Variants in PTPRK observed in about 807,000 individuals in gnomAD.
PTPRK encodes the protein protein tyrosine phosphatase receptor type K, also known as receptor-type tyrosine-protein phosphatase kappa.
PTPRK carries 75 observed loss-of-function variants against 178.0 expected under a neutral mutation model. The ratio of observed to expected loss-of-function variants is 0.42; its 90% CI spans 0.35 to 0.51. The LOEUF (loss-of-function observed/expected upper bound fraction) is 0.51. Among genes scored for constraint, PTPRK ranks in the 20% least tolerant of loss-of-function variants. PTPRK has a pLI of 0.02. For missense variants in PTPRK, 1,441 were observed against 1,797.8 expected, an observed-to-expected ratio of 0.80 and a Z score of 3.59; for synonymous variants, 637 against 620.6, an observed-to-expected ratio of 1.03 and a Z score of -0.39.
intron 7 of PTPRK, among the ~76,000 whole-genome samples, chr6:128,147,191 A>G (rs138344011): frequency 6.6e-6 from 1 of 152,312 alleles, no homozygotes; most frequent in African/African-American, 2.4e-5. Context: ...CAGAGATTAT[A>G]TGAACAGATA....
At chr6:128,518,909 G>A (rs963509658) in intron 1 of PTPRK, 7 of 452,360 alleles carry the variant, frequency 1.5e-5, no homozygotes, top group Non-Finnish European at 2.7e-5. Flanking sequence ...AGCAATGGAA[G>A]GGAAATAAAC....
chr6:128,275,641 T>G (rs777730752), intron 3 of PTPRK, among the ~76,000 whole-genome samples: 1 of 152,060 alleles, frequency 6.6e-6, no homozygotes, highest in Non-Finnish European at 1.5e-5. Flanking sequence ...GGAATATACA[T>G]TAGACTACTC....
intron 6 of PTPRK, among the ~76,000 whole-genome samples, chr6:128,185,966 TTGTA>T (rs1253692048): frequency 6.6e-6 from 1 of 152,152 alleles, no homozygotes; most frequent in African/African-American, 2.4e-5. Context: ...TTAACCCTGA[TTGTA>T]TAAAAGTATA....
intron 1 of PTPRK, among the ~76,000 whole-genome samples, chr6:128,464,953 G>A (rs1298707198): frequency 2.0e-5 from 3 of 151,002 alleles, no homozygotes; most frequent in Admixed American, 6.6e-5. Flanking sequence ...TCTCTCTCCC[G>A]GGTTTGTTTT....
chr6:128,399,370 G>A (rs955475889), intron 1 of PTPRK, among the ~76,000 whole-genome samples: 1 of 152,156 alleles, frequency 6.6e-6, no homozygotes, highest in African/African-American at 2.4e-5. Flanking sequence ...AGAATATGTT[G>A]AGTGTATTCT....
At chr6:128,434,900 T>C (rs1017001275) in intron 1 of PTPRK, among the ~76,000 whole-genome samples, 1 of 151,096 alleles carries the variant, frequency 6.6e-6, no homozygotes, top group African/African-American at 2.4e-5. Context: ...GGTACACACG[T>C]GTAGTCCCCA....
At chr6:128,417,062 A>G (rs1036138732) in intron 1 of PTPRK, among the ~76,000 whole-genome samples, 5 of 150,340 alleles carry the variant, frequency 3.3e-5, no homozygotes, top group East Asian at 1.9e-4. Flanking sequence ...TTTTATGTGT[A>G]TATATATATA....
chr6:127,995,138 T>C, intron 18 of PTPRK: 1 of 1,070,146 alleles, frequency 9.3e-7, no homozygotes, highest in Admixed American at 2.0e-5. Context: ...TGAAGCTAAT[T>C]AGGTGAAGCA....
chr6:128,336,442 T>C (rs1395043148), intron 2 of PTPRK, among the ~76,000 whole-genome samples: 1 of 152,156 alleles, frequency 6.6e-6, no homozygotes, highest in East Asian at 1.9e-4. Flanking sequence ...AGCACAGATG[T>C]CCTTCCCCTA....
chr6:128,494,805 G>C (rs1305586212), intron 1 of PTPRK, among the ~76,000 whole-genome samples: 1 of 152,164 alleles, frequency 6.6e-6, no homozygotes, highest in Non-Finnish European at 1.5e-5. Context: ...GAGAATTAGA[G>C]TATACCTCCC....
rs747023091 is a variant in PTPRK, at chr6:128,423,654, C to T, written c.101-25966G>A. On this transcript the variant is annotated intron_variant, in intron 1 of 29. Coordinates refer to ENST00000368226, the MANE Select transcript of PTPRK (RefSeq NM_002844.4). ...ACCAACCTGACCAAGATAGTGAAAC[C>T]CCATCTCTACTAAAAATACAATACT... 7.9e-4 allele frequency among the ~76,000 whole-genome samples: 120 copies of T among 151,832 alleles called. 2 individuals carry two copies. Among genetic ancestry groups the T allele is most frequent in the Non-Finnish European group, 3.2e-4 (22 of 67,968 alleles).
chr6:128,037,221 T>C lies in PTPRK; in HGVS notation c.2194+27537A>G, dbSNP rs1356250648. ...TCTTTTAGAGAAACAAGAGACATTATATACTAAGTCATTTGAGTCATCCCA... is the reference window on the plus strand; with the variant it reads ...TCTTTTAGAGAAACAAGAGACATTACATACTAAGTCATTTGAGTCATCCCA... On this transcript the variant is annotated intron_variant, in intron 13 of 29. Coordinates refer to ENST00000368226, the MANE Select transcript of PTPRK (RefSeq NM_002844.4). 2.0e-5 allele frequency among the ~76,000 whole-genome samples: 3 copies of C among 152,312 alleles called. No homozygotes were observed. In the East Asian group the frequency reaches 5.8e-4, roughly 29 times the overall value.
At chr6:128,143,699 C>T (rs969708945) in intron 7 of PTPRK, among the ~76,000 whole-genome samples, 18 of 152,220 alleles carry the variant, frequency 1.2e-4, no homozygotes, top group Non-Finnish European at 1.9e-4. Context: ...TTGGCCATCC[C>T]CTGTCCTCAC....
chr6:128,505,040 TC>T (rs772676570), intron 1 of PTPRK, among the ~76,000 whole-genome samples: 7 of 150,800 alleles, frequency 4.6e-5, no homozygotes, highest in Non-Finnish European at 1.0e-4. Context: ...TTGTTAATGC[TC>T]CTTTTATTGA....
At chr6:128,413,544 A>G (rs190086907) in intron 1 of PTPRK, among the ~76,000 whole-genome samples, 43 of 152,268 alleles carry the variant, frequency 2.8e-4, no homozygotes, top group Non-Finnish European at 1.9e-4. Context: ...AAGAAAGGAC[A>G]GGACTTCTGT....
chr6:128,302,189 C>A (rs934342792), intron 3 of PTPRK, among the ~76,000 whole-genome samples: 3 of 151,904 alleles, frequency 2.0e-5, no homozygotes, highest in Non-Finnish European at 2.9e-5. Context: ...GAGATGGAGA[C>A]CATCCTGCCT....
chr6:128,151,132 C>T (rs961683398), intron 7 of PTPRK, among the ~76,000 whole-genome samples: 2 of 152,014 alleles, frequency 1.3e-5, no homozygotes, highest in Non-Finnish European at 2.9e-5. Flanking sequence ...ATTTCTAGAT[C>T]TGTTGCAAAT....
intron 1 of PTPRK, among the ~76,000 whole-genome samples, chr6:128,492,227 T>C (rs1278167170): frequency 1.3e-5 from 2 of 152,152 alleles, no homozygotes; most frequent in Admixed American, 6.5e-5. Context: ...ACCCTCCTCA[T>C]TGGCTCTGAT....
At chr6:128,084,697 A>G (rs568842211) in intron 8 of PTPRK, among the ~76,000 whole-genome samples, 1 of 152,318 alleles carries the variant, frequency 6.6e-6, no homozygotes, top group African/African-American at 2.4e-5. Context: ...TTCTTTCGCT[A>G]TCGTGTATTT....
Sources: allele counts gnomAD v4.1 joint callset (sites outside exome capture counted in the v4.1 genomes callset), GRCh38; gene constraint gnomAD v4.1.1; transcripts MANE v1.5; gene names NCBI Gene and HGNC (gene_info 2026-07-23, HGNC 2026-07-21).